Variants in KALRN observed in about 807,000 individuals in gnomAD.
KALRN encodes the protein kalirin.
KALRN carries 70 observed loss-of-function variants against 353.7 expected under a neutral mutation model. The observed-to-expected ratio is 0.20, with a 90% CI of 0.16 to 0.24. KALRN has a LOEUF of 0.24. KALRN is among the 10% of genes least tolerant of loss of function. The probability of loss-of-function intolerance (pLI) is 1.00; values close to 1 mark genes in which losing one functional copy is unlikely to be tolerated. For missense variants in KALRN, 2,791 were observed against 3,756.7 expected (o/e 0.74, Z 6.72); for synonymous variants, 1,391 against 1,434.8 (o/e 0.97, Z 0.69).
intron 33 of KALRN, among the ~76,000 whole-genome samples, chr3:124,528,362 G>T (rs1317912959): frequency 6.6e-6 from 1 of 152,192 alleles, no homozygotes; most frequent in African/African-American, 2.4e-5. Context: ...TGCCCAAGTA[G>T]TAGGTATGTT....
rs184227472 is a variant in KALRN, at chr3:124,710,735, G to T, written c.8076-2200G>T. ...GCTTGGGAGGCAGAGATTGCAGTGA[G>T]CCAAGATCATGCTACTGCACTCAAG... is the stretch of plus-strand genomic sequence containing the variant. On this transcript the variant is annotated intron_variant, in intron 57 of 59. Coordinates refer to ENST00000682506, the MANE Select transcript of KALRN (RefSeq NM_001388419.1). Among the ~76,000 whole-genome samples, 39 of 152,344 alleles carry T rather than the reference G, an allele frequency of 2.6e-4. No individual in the cohort carries two copies. In the East Asian group the frequency reaches 7.1e-3, roughly 28 times the overall value.
At chr3:124,502,856 A>C (rs956153387) in intron 33 of KALRN, among the ~76,000 whole-genome samples, 5 of 152,342 alleles carry the variant, frequency 3.3e-5, no homozygotes, top group Non-Finnish European at 7.3e-5. Context: ...ATTAGGATTG[A>C]TAAAAATCTT....
At chr3:124,521,252 C>G (rs1005759593) in intron 33 of KALRN, among the ~76,000 whole-genome samples, 9 of 152,192 alleles carry the variant, frequency 5.9e-5, no homozygotes, top group Non-Finnish European at 1.2e-4. Context: ...CCTCCAAGCG[C>G]TGGGCATTAT....
At chr3:124,664,951 T>C (rs142444727) in intron 45 of KALRN, among the ~76,000 whole-genome samples, 137 of 152,332 alleles carry the variant, frequency 9.0e-4, no homozygotes, top group Admixed American at 1.7e-3. Flanking sequence ...TCTTGTGTAA[T>C]ATTAATAGAG....
rs946619212 is a variant in KALRN, at chr3:124,615,693, C to T, written c.5183-16727C>T. On this transcript the variant is annotated intron_variant, in intron 34 of 59. Transcript: ENST00000682506. Reference sequence around the variant, plus strand: ...ACTGGTGCCAGTGGGATCATACTGGCGAATCCGGTTGCAGGGTGGGCCAGG... The same window carrying T: ...ACTGGTGCCAGTGGGATCATACTGGTGAATCCGGTTGCAGGGTGGGCCAGG... Among the ~76,000 whole-genome samples, 6 of 152,150 alleles carry T rather than the reference C, an allele frequency of 3.9e-5. No homozygotes were observed. The East Asian group carries it at 5.8e-4, about 15-fold the overall frequency.
intron 1 of KALRN, among the ~76,000 whole-genome samples, chr3:124,080,705 G>C (rs2060497580): frequency 6.6e-6 from 1 of 152,058 alleles, no homozygotes; most frequent in East Asian, 1.9e-4. Context: ...CAAAAGACTG[G>C]GTGAGTGATA....
intron 34 of KALRN, among the ~76,000 whole-genome samples, chr3:124,578,766 TAAA>T (rs10526930): frequency 2.2e-4 from 32 of 144,544 alleles, no homozygotes; most frequent in East Asian, 4.0e-4. Flanking sequence ...AAACTCCATT[TAAA>T]AAAAAAAAAA....
chr3:124,700,061 C>G (rs774746699), intron 56 of KALRN, 28 bp downstream of exon 56: 3 of 1,611,038 alleles, frequency 1.9e-6, no homozygotes, highest in African/African-American at 1.3e-5. Context: ...CCTGGCCCCC[C>G]AGGCAGTGGG....
In KALRN at chr3:124,455,158, A is replaced by G. The variant is rs2059187000; in HGVS notation, c.3553-19A>G. The G allele has an allele frequency of 6.2e-7, 1 of 1,613,738 alleles. No homozygotes were observed. Among genetic ancestry groups the G allele is most frequent in the Admixed American group, 1.7e-5 (1 of 60,016 alleles). On this transcript the variant is annotated intron_variant, in intron 21 of 59. Transcript: ENST00000682506. ...AGAATAAATGTAATCCAGTAACTTAAGGCCATCTTTTGGGGCAGCAAACAA... is the reference window on the plus strand; with the variant it reads ...AGAATAAATGTAATCCAGTAACTTAGGGCCATCTTTTGGGGCAGCAAACAA...
intron 1 of KALRN, among the ~76,000 whole-genome samples, chr3:124,170,451 G>A (rs985979223): frequency 4.6e-5 from 7 of 152,186 alleles, no homozygotes; most frequent in African/African-American, 1.7e-4. Context: ...CACATGGCTG[G>A]TGAATAAGTG....
chr3:124,699,207 G>A (rs2062202596), intron 55 of KALRN, among the ~76,000 whole-genome samples: 1 of 152,142 alleles, frequency 6.6e-6, no homozygotes, highest in Admixed American at 6.5e-5. Context: ...TTAATAGTGA[G>A]CTGGGAGACA....
At chr3:124,571,144 G>A (rs990983085) in intron 34 of KALRN, among the ~76,000 whole-genome samples, 3 of 152,146 alleles carry the variant, frequency 2.0e-5, no homozygotes, top group Admixed American at 2.0e-4. Context: ...TCTGTATCTA[G>A]AAGAAAGTAA....
chr3:124,384,322 T>C (rs1401015886), intron 10 of KALRN, among the ~76,000 whole-genome samples: 1 of 152,156 alleles, frequency 6.6e-6, no homozygotes, highest in African/African-American at 2.4e-5. Context: ...TTCTGTCAGC[T>C]CCCTAGAGTT....
intron 6 of KALRN, among the ~76,000 whole-genome samples, chr3:124,317,618 A>T (rs1006340695): frequency 6.7e-6 from 1 of 149,104 alleles, no homozygotes; most frequent in African/African-American, 2.5e-5. Flanking sequence ...GCAGATTCTG[A>T]TTCAGAAAGT....
intron 6 of KALRN, among the ~76,000 whole-genome samples, chr3:124,324,015 G>A (rs1460118393): frequency 6.6e-6 from 1 of 152,190 alleles, no homozygotes; most frequent in Non-Finnish European, 1.5e-5. Flanking sequence ...CCCCAGGAAG[G>A]ACCTTCAACC....
intron 1 of KALRN, among the ~76,000 whole-genome samples, chr3:124,151,378 C>A (rs759130730): frequency 6.6e-6 from 1 of 152,160 alleles, no homozygotes; most frequent in Non-Finnish European, 1.5e-5. Flanking sequence ...GGCTTTTCTG[C>A]TAGGTATGTG....
chr3:124,467,474 G>A (rs906039643), intron 25 of KALRN, among the ~76,000 whole-genome samples: 4 of 152,206 alleles, frequency 2.6e-5, no homozygotes, highest in African/African-American at 9.7e-5. Flanking sequence ...GAGTAGGAAA[G>A]GCCTCATGGA....
intron 33 of KALRN, among the ~76,000 whole-genome samples, chr3:124,552,985 C>CG: frequency 6.6e-6 from 1 of 152,192 alleles, no homozygotes; most frequent in South Asian, 2.1e-4. Context: ...AGGCTGGTCT[C>CG]GAACTCCTGA....
chr3:124,372,271 T>C (rs2085942936), intron 10 of KALRN, among the ~76,000 whole-genome samples: 1 of 152,200 alleles, frequency 6.6e-6, no homozygotes, highest in Non-Finnish European at 1.5e-5. Flanking sequence ...CTAATACATA[T>C]TCACCATGGA....
Sources: allele counts gnomAD v4.1 joint callset (sites outside exome capture counted in the v4.1 genomes callset), GRCh38; gene constraint gnomAD v4.1.1; transcripts MANE v1.5; gene names NCBI Gene and HGNC (gene_info 2026-07-23, HGNC 2026-07-21).